Variants in MEF2C observed in about 807,000 individuals in gnomAD.
The protein encoded by MEF2C is myocyte enhancer factor 2C.
MEF2C carries 6 observed loss-of-function variants against 50.5 expected under a neutral mutation model. That is an observed-to-expected ratio of 0.12 (90% confidence interval 0.07 to 0.23). The LOEUF (loss-of-function observed/expected upper bound fraction) is 0.23, where lower values mean the gene tolerates loss of function less well. MEF2C is among the 10% of genes least tolerant of loss of function. The pLI, the probability that MEF2C is intolerant of heterozygous loss-of-function variation, is 1.00. For missense variants in MEF2C, 276 were observed against 605.0 expected (o/e 0.46, Z 5.70); for synonymous variants, 183 against 228.0 (o/e 0.80, Z 1.78).
chr5:88,777,231 A>G (rs996067403), intron 3 of MEF2C, among the ~76,000 whole-genome samples: 1 of 152,178 alleles, frequency 6.6e-6, no homozygotes, highest in African/African-American at 2.4e-5. Flanking sequence ...AAATTAAACC[A>G]GTCTTCCATC....
chr5:88,850,675 A>C (rs1820983670), intron 1 of MEF2C, among the ~76,000 whole-genome samples: 1 of 151,880 alleles, frequency 6.6e-6, no homozygotes, highest in South Asian at 2.1e-4. Context: ...GGTGATCTCT[A>C]TGACACACAC....
intron 3 of MEF2C, among the ~76,000 whole-genome samples, chr5:88,764,882 T>G (rs1779376460): frequency 7.3e-6 from 1 of 137,570 alleles, no homozygotes; most frequent in South Asian, 2.3e-4. Flanking sequence ...AGTATGAAAA[T>G]AGAGCTAAAA....
intron 6 of MEF2C, among the ~76,000 whole-genome samples, chr5:88,744,370 G>A (rs141839217): frequency 3.9e-5 from 6 of 152,212 alleles, no homozygotes; most frequent in African/African-American, 1.4e-4. Flanking sequence ...CCTGGACAAC[G>A]GGTGAAACCC....
At chr5:88,744,955 C>A (rs1485835269) in intron 6 of MEF2C, among the ~76,000 whole-genome samples, 1 of 152,064 alleles carries the variant, frequency 6.6e-6, no homozygotes, top group Non-Finnish European at 1.5e-5. Flanking sequence ...GGGTACTCAG[C>A]CATTTAATCA....
intron 1 of MEF2C, among the ~76,000 whole-genome samples, chr5:88,839,886 G>A (rs1259901912): frequency 6.6e-6 from 1 of 152,122 alleles, no homozygotes; most frequent in Non-Finnish European, 1.5e-5. Context: ...GAGAATTCCA[G>A]AATGGACTTG....
At chr5:88,776,687 AAG>A (rs1396778435) in intron 3 of MEF2C, among the ~76,000 whole-genome samples, 3 of 152,210 alleles carry the variant, frequency 2.0e-5, no homozygotes, top group Non-Finnish European at 4.4e-5. Context: ...ATGAGTGAAA[AAG>A]AGAGAATTTG....
At chr5:88,823,586 GACTATC>G in intron 2 of MEF2C, 143 bp downstream of exon 2, 1 of 615,818 alleles carries the variant, frequency 1.6e-6, no homozygotes, top group Non-Finnish European at 2.7e-6. Context: ...ATATATAAGA[GACTATC>G]AGCACTTTAA....
At chr5:88,871,811 A>G (rs1202144447) in intron 1 of MEF2C, among the ~76,000 whole-genome samples, 1 of 152,066 alleles carries the variant, frequency 6.6e-6, no homozygotes, top group Non-Finnish European at 1.5e-5. Context: ...TCTTACATAA[A>G]TAAAAATACC....
chr5:88,870,070 A>C (rs1231335204), intron 1 of MEF2C, among the ~76,000 whole-genome samples: 1 of 151,802 alleles, frequency 6.6e-6, no homozygotes, highest in Non-Finnish European at 1.5e-5. Flanking sequence ...TTTTAGTATG[A>C]GGGAAGATAT....
chr5:88,809,033 T>A (rs765223490), intron 2 of MEF2C, among the ~76,000 whole-genome samples: 7 of 152,138 alleles, frequency 4.6e-5, no homozygotes, highest in African/African-American at 9.6e-5. Flanking sequence ...AGAGACTTAA[T>A]GTGTGATATA....
Position 88,769,879 on chromosome 5 carries a change from C to T in MEF2C, c.259-8551G>A, listed in dbSNP as rs568156869. On this transcript the variant is annotated intron_variant, in intron 3 of 10. Coordinates refer to ENST00000504921, the MANE Select transcript of MEF2C (RefSeq NM_002397.5). Reference sequence around the variant, plus strand: ...CAGGCTGGTCTTGAACTCTTGACCTCATGTAATCCACCCACCTAAGCCTCC... The same window carrying T: ...CAGGCTGGTCTTGAACTCTTGACCTTATGTAATCCACCCACCTAAGCCTCC... The T allele has an allele frequency of 3.2e-5, 26 of 807,318 alleles. No individual in the cohort carries two copies. In the South Asian group the frequency reaches 6.2e-4, roughly 19 times the overall value. 50.0% of individuals were successfully genotyped at this position (807,318 alleles called of 1,614,324 possible).
At chr5:88,864,815 G>A (rs1346914648) in intron 1 of MEF2C, among the ~76,000 whole-genome samples, 4 of 150,814 alleles carry the variant, frequency 2.7e-5, no homozygotes, top group South Asian at 4.2e-4. Context: ...CGCCTAGGCC[G>A]GAGTGCAATG....
At chr5:88,833,560 T>C (rs1380985597) in intron 1 of MEF2C, among the ~76,000 whole-genome samples, 1 of 152,156 alleles carries the variant, frequency 6.6e-6, no homozygotes, top group Non-Finnish European at 1.5e-5. Context: ...GTGGAAACTC[T>C]ACGTACTCGA....
At chr5:88,735,730 C>T in intron 6 of MEF2C, 1 of 985,364 alleles carries the variant, frequency 1.0e-6, no homozygotes. Context: ...CTTGCAAACA[C>T]TTGCTGCATT....
At chr5:88,736,031 C>T (rs1225871100) in intron 6 of MEF2C, 1 of 985,374 alleles carries the variant, frequency 1.0e-6, no homozygotes, top group African/African-American at 1.7e-5. Flanking sequence ...CTGCCATTGG[C>T]ATAACCATTT....
intron 1 of MEF2C, among the ~76,000 whole-genome samples, chr5:88,861,546 GA>G (rs1267069346): frequency 4.6e-5 from 7 of 151,356 alleles, no homozygotes; most frequent in Non-Finnish European, 1.0e-4. Flanking sequence ...CGAAGTGAGA[GA>G]AAAAAAAATT....
chr5:88,830,676 T>A (rs1812669132), intron 1 of MEF2C, among the ~76,000 whole-genome samples: 2 of 152,166 alleles, frequency 1.3e-5, no homozygotes, highest in Admixed American at 6.6e-5. Context: ...TCTTTCCACA[T>A]CATATTAGGT....
chr5:88,860,090 A>G (rs930782841), intron 1 of MEF2C, among the ~76,000 whole-genome samples: 6 of 152,162 alleles, frequency 3.9e-5, no homozygotes, highest in African/African-American at 1.4e-4. Context: ...TAATGACTGG[A>G]AATGCCTGTG....
intron 1 of MEF2C, among the ~76,000 whole-genome samples, chr5:88,826,659 G>C (rs1810986177): frequency 6.6e-6 from 1 of 151,820 alleles, no homozygotes; most frequent in Non-Finnish European, 1.5e-5. Flanking sequence ...CAATTTGTAG[G>C]AGGCCTAGAG....
Sources: gnomAD v4.1 joint callset for allele counts (sites outside exome capture counted in the v4.1 genomes callset) on GRCh38, gnomAD v4.1.1 for gene constraint, MANE v1.5 for transcripts, NCBI Gene and HGNC (gene_info 2026-07-23, HGNC 2026-07-21) for gene names.